The following KRTAP22-1 variants were observed in gnomAD, a reference collection of about 807,000 sequenced individuals.
The protein encoded by KRTAP22-1 is keratin-associated protein 22-1.
For synonymous variants in KRTAP22-1, 19 were observed against 21.5 expected, an observed-to-expected ratio of 0.88 and a Z score of 0.33; for missense variants, 48 against 56.7, an observed-to-expected ratio of 0.85 and a Z score of 0.49.
chr21:30,601,318 T>C lies in KRTAP22-1; in HGVS notation c.*51T>C, dbSNP rs368742585. On this transcript the variant is annotated 3_prime_UTR_variant, in exon 1 of 1. Coordinates refer to ENST00000334680, the MANE Select transcript of KRTAP22-1 (RefSeq NM_181620.2). ...AGGCCATTCTCTTATGAGCTATGTT[T>C]TCTTCCCGTGTTTTTTTCTGTTCAA... 6.6e-6 allele frequency: 10 copies of C among 1,514,252 alleles called. No individual in the cohort carries two copies. The African/African-American group carries it at 1.4e-4, about 21-fold the overall frequency. 93.8% of individuals were successfully genotyped at this position (1,514,252 alleles called of 1,614,324 possible). A position where few individuals can be genotyped will look rare whatever the true frequency, so the allele number is the denominator to read the frequency against.
At position 30,601,279 on chromosome 21, in the gene KRTAP22-1, T is replaced by C. The variant is rs531478628; in HGVS notation, c.*12T>C. 6.2e-7 allele frequency: 1 copy of C among 1,613,634 alleles called. No homozygotes were observed. The highest frequency in any genetic ancestry group is 8.5e-7 in the Non-Finnish European group (1 of 1,179,608). On this transcript the variant is annotated 3_prime_UTR_variant, in exon 1 of 1. Transcript: ENST00000334680. ...CTGGCTGCTTCTGAGAAATTAGAGATTGCTGATCTGTTTAGGCCATTCTCT... is the reference window on the plus strand; with the variant it reads ...CTGGCTGCTTCTGAGAAATTAGAGACTGCTGATCTGTTTAGGCCATTCTCT...
the KRTAP22-1 span, chr21:30,601,237 T>G: frequency 6.0e-5 from 97 of 1,614,014 alleles, no homozygotes; most frequent in Non-Finnish European, 8.2e-5. Context: ...CATGGTGTTA[T>G]GAAAGATCTT....
At position 30,601,203 on chromosome 21, in the gene KRTAP22-1, G is replaced by T. The variant is rs202217523; in HGVS notation, c.83G>T (p.Gly28Val). 1.1e-5 allele frequency: 18 copies of T among 1,614,088 alleles called. 1 individual carries two copies. The highest frequency in any genetic ancestry group is 9.3e-5 in the African/African-American group (7 of 75,048). Residue 28 changes from glycine to valine, a missense_variant, in exon 1 of 1, where the codon GGC becomes GTC. Coordinates refer to ENST00000334680, the MANE Select transcript of KRTAP22-1 (RefSeq NM_181620.2). ...TGCAGCTATGGCTGTGGTCTTAGCG[G>T]CTATGGCTATGCCTGCTACTGCCCA... ...LGCSYGCGLS[G>V]YGYACYCPWC...
rs560284353 is a variant in KRTAP22-1 at position 30,601,181 on chromosome 21, A to C, written c.61A>C (p.Ser21Arg). 61 of 1,614,022 alleles carry C rather than the reference A, an allele frequency of 3.8e-5. 2 individuals carry two copies. The South Asian group carries it at 4.1e-4, about 11-fold the overall frequency. The change falls in exon 1 of 1, where the codon AGC becomes CGC. Residue 21 changes from serine to arginine, a missense_variant. Ser to Arg is a moderately radical substitution (Grantham distance 110). Transcript: ENST00000334680. ...CTATGCCAAAGGAGGCCTGGGCTGC[A>C]GCTATGGCTGTGGTCTTAGCGGCTA... is the stretch of plus-strand genomic sequence containing the variant. ...QGYAKGGLGC[S>R]YGCGLSGYGY...
chr21:30,601,219 C>T lies in KRTAP22-1; in HGVS notation c.99C>T (p.Cys33=), dbSNP rs2123595992. The part of the protein sequence containing the change: ...GCGLSGYGYA[C]YCPWCYERSW... ...GTCTTAGCGGCTATGGCTATGCCTG[C>T]TACTGCCCATGGTGTTATGAAAGAT... The change falls in exon 1 of 1, where the codon TGC becomes TGT. Residue 33 remains cysteine (C), a synonymous_variant. Transcript: ENST00000334680. 1.9e-6 allele frequency: 3 copies of T among 1,614,152 alleles called. No homozygotes were observed. Among genetic ancestry groups the T allele is most frequent in the Non-Finnish European group, 2.5e-6 (3 of 1,179,996 alleles).
chr21:30,601,273 T>C lies in KRTAP22-1; in HGVS notation c.*6T>C, dbSNP rs1980339684. ...GGTTTTCTGGCTGCTTCTGAGAAATTAGAGATTGCTGATCTGTTTAGGCCA... is the reference window on the plus strand; with the variant it reads ...GGTTTTCTGGCTGCTTCTGAGAAATCAGAGATTGCTGATCTGTTTAGGCCA... On this transcript the variant is annotated 3_prime_UTR_variant, in exon 1 of 1. Coordinates refer to ENST00000334680, the MANE Select transcript of KRTAP22-1 (RefSeq NM_181620.2). The C allele has an allele frequency of 1.2e-6, 2 of 1,613,834 alleles. No individual in the cohort carries two copies. Among genetic ancestry groups the C allele is most frequent in the East Asian group, 2.2e-5 (1 of 44,860 alleles).
Position 30,601,326 on chromosome 21 carries a change from G to GTGTTCTTTATAATAATGA in KRTAP22-1, c.*63_*64insCTTTATAATAATGATGTT. The GTGTTCTTTATAATAATGA allele has an allele frequency of 6.7e-7, 1 of 1,492,090 alleles. No individual in the cohort carries two copies. The highest frequency in any genetic ancestry group is 2.1e-5 in the Admixed American group (1 of 47,984). The allele number at this position is 1,492,090 out of a possible 1,614,324, so 92.4% of individuals were successfully genotyped here. A position where few individuals can be genotyped will look rare whatever the true frequency, so the allele number is the denominator to read the frequency against. ...CTCTTATGAGCTATGTTTTCTTCCC[G>GTGTTCTTTATAATAATGA]TGTTTTTTTCTGTTCAAAGAGTGAC... On this transcript the variant is annotated 3_prime_UTR_variant, in exon 1 of 1. Transcript: ENST00000334680.
Position 30,601,221 on chromosome 21 carries a change from A to G in KRTAP22-1, c.101A>G (p.Tyr34Cys). 6.2e-7 allele frequency: 1 copy of G among 1,614,126 alleles called. No individual in the cohort carries two copies. Among genetic ancestry groups the G allele is most frequent in the Non-Finnish European group, 8.5e-7 (1 of 1,179,984 alleles). The change falls in exon 1 of 1, where the codon TAC becomes TGC. Residue 34 changes from tyrosine to cysteine, a missense_variant. Transcript: ENST00000334680. ...CGLSGYGYAC[Y>C]CPWCYERSWF... is the part of the protein sequence containing the mutation. ...CTTAGCGGCTATGGCTATGCCTGCT[A>G]CTGCCCATGGTGTTATGAAAGATCT... is the stretch of plus-strand genomic sequence containing the variant.
At position 30,601,289 on chromosome 21, in the gene KRTAP22-1, G is replaced by C. The variant is rs752309962; in HGVS notation, c.*22G>C. 1 of 1,605,086 alleles carries C rather than the reference G, an allele frequency of 6.2e-7. No individual in the cohort carries two copies. Among genetic ancestry groups the C allele is most frequent in the Admixed American group, 1.7e-5 (1 of 59,222 alleles). On this transcript the variant is annotated 3_prime_UTR_variant, in exon 1 of 1. Transcript: ENST00000334680. ...CTGAGAAATTAGAGATTGCTGATCT[G>C]TTTAGGCCATTCTCTTATGAGCTAT... is the stretch of plus-strand genomic sequence containing the variant.
In KRTAP22-1 at chr21:30,601,336, C is replaced by A; in HGVS notation, c.*69C>A. 3 of 1,256,840 alleles carry A rather than the reference C, an allele frequency of 2.4e-6. No individual in the cohort carries two copies. The highest frequency in any genetic ancestry group is 2.6e-5 in the Admixed American group (1 of 38,886). The allele number at this position is 1,256,840 out of a possible 1,614,324, so 77.9% of individuals were successfully genotyped here. ...CTATGTTTTCTTCCCGTGTTTTTTT[C>A]TGTTCAAAGAGTGACAACTAAAATT... On this transcript the variant is annotated 3_prime_UTR_variant, in exon 1 of 1. Coordinates refer to ENST00000334680, the MANE Select transcript of KRTAP22-1 (RefSeq NM_181620.2).
Sources: allele counts gnomAD v4.1 joint callset, GRCh38; gene constraint gnomAD v4.1.1; transcripts MANE v1.5; gene names NCBI Gene and HGNC (gene_info 2026-07-23, HGNC 2026-07-21).